Variants in KYAT3 observed in about 807,000 individuals in gnomAD.
KYAT3 encodes the protein kynurenine--oxoglutarate transaminase 3.
Under a neutral mutation model 59.0 loss-of-function variants are expected in KYAT3, and 50 were observed. The observed-to-expected ratio is 0.85, with a 90% CI of 0.68 to 1.07. The LOEUF is 1.07. Ranked by LOEUF, KYAT3 falls within the 50% of genes least tolerant of loss-of-function variation. The pLI is 0.00. For missense variants in KYAT3, 497 were observed against 533.3 expected (o/e 0.93, Z 0.67); for synonymous variants, 148 against 177.0 (o/e 0.84, Z 1.30).
Position 88,953,161 on chromosome 1 carries a change from G to T in KYAT3, c.865-9C>A. 1.9e-6 allele frequency: 3 copies of T among 1,588,476 alleles called. No individual in the cohort carries two copies. The highest frequency in any genetic ancestry group is 2.6e-6 in the Non-Finnish European group (3 of 1,157,850). ...CCAATGGACCAGCCAAGCTGGGAAAGGAAAAGATAAAAGATTTCAGAAAAT... is the reference window on the plus strand; with the variant it reads ...CCAATGGACCAGCCAAGCTGGGAAATGAAAAGATAAAAGATTTCAGAAAAT... On this transcript the variant is annotated splice_polypyrimidine_tract_variant and intron_variant, in intron 9 of 13. Transcript: ENST00000260508.
the KYAT3 span, among the ~76,000 whole-genome samples, chr1:88,925,493 G>A: frequency 1.3e-5 from 2 of 152,162 alleles, no homozygotes; most frequent in South Asian, 4.1e-4. Context: ...TGTGTCCTGA[G>A]GCATCTAGAC....
intron 13 of KYAT3, among the ~76,000 whole-genome samples, chr1:88,941,667 G>A (rs1215757903): frequency 6.6e-6 from 1 of 152,026 alleles, no homozygotes; most frequent in Non-Finnish European, 1.5e-5. Flanking sequence ...ATAAACTCCT[G>A]AATAGTGAGT....
At chr1:88,942,423 C>A (rs929737125) in intron 13 of KYAT3, among the ~76,000 whole-genome samples, 7 of 151,804 alleles carry the variant, frequency 4.6e-5, no homozygotes, top group Admixed American at 1.3e-4. Context: ...TTCTTTTTTT[C>A]TTTGCTACAG....
At chr1:88,948,844 A>T (rs1049894843) in intron 11 of KYAT3, among the ~76,000 whole-genome samples, 2 of 152,250 alleles carry the variant, frequency 1.3e-5, no homozygotes, top group East Asian at 1.9e-4. Flanking sequence ...AGAGAGTGAT[A>T]GCAAATCCTA....
intron 8 of KYAT3, among the ~76,000 whole-genome samples, chr1:88,960,258 C>T (rs954229023): frequency 2.0e-5 from 3 of 151,790 alleles, no homozygotes. Context: ...TTATCTATCT[C>T]TGCCACATTT....
intron 9 of KYAT3, among the ~76,000 whole-genome samples, chr1:88,953,902 C>CT (rs199642260): frequency 7.9e-6 from 1 of 127,172 alleles, no homozygotes; most frequent in Admixed American, 8.6e-5. Context: ...TCTTCTTCTT[C>CT]TTCTTTTTTT....
At chr1:88,937,795 G>A (rs35023423) in intron 13 of KYAT3, among the ~76,000 whole-genome samples, 70,195 of 151,926 alleles carry the variant, frequency 0.46, 16,368 homozygotes, top group Admixed American at 0.5. Flanking sequence ...CATAGCCTGA[G>A]TCTAAGCATG....
intron 11 of KYAT3, among the ~76,000 whole-genome samples, chr1:88,944,665 T>A (rs1259924809): frequency 6.6e-6 from 1 of 152,202 alleles, no homozygotes; most frequent in African/African-American, 2.4e-5. Context: ...AAACTTAGTC[T>A]AATTGTAAAT....
At chr1:88,983,483 C>A (rs188423617) in intron 2 of KYAT3, 7 of 1,614,160 alleles carry the variant, frequency 4.3e-6, no homozygotes, top group East Asian at 2.2e-5. Flanking sequence ...TCCTCCACTT[C>A]CTCCTCTTCC....
chr1:88,951,606 GTAACTAAA>G (rs1224001643), intron 10 of KYAT3, among the ~76,000 whole-genome samples: 1 of 151,194 alleles, frequency 6.6e-6, no homozygotes, highest in African/African-American at 2.4e-5. Context: ...TAGAATGATG[GTAACTAAA>G]TCCCTATTTC....
At chr1:88,992,457 C>T (rs758717203) in intron 1 of KYAT3, 128 bp downstream of exon 1, 1 of 152,840 alleles carries the variant, frequency 6.5e-6, no homozygotes, top group Non-Finnish European at 1.5e-5. Flanking sequence ...GCAGCCACCC[C>T]CGCAGGCGGC....
chr1:88,962,730 C>G (rs1351587754), intron 5 of KYAT3, among the ~76,000 whole-genome samples: 2 of 152,166 alleles, frequency 1.3e-5, no homozygotes, highest in South Asian at 2.1e-4. Context: ...AACTCCTAAC[C>G]TCAGGTGATC....
chr1:88,962,293 AG>A, intron 5 of KYAT3, 148 bp from the exon 6 acceptor site: 2 of 627,846 alleles, frequency 3.2e-6, no homozygotes, highest in East Asian at 5.7e-5. Flanking sequence ...CTAACATCTG[AG>A]GGGAAGAGAC....
chr1:88,988,234 T>C lies in KYAT3; in HGVS notation c.99+18A>G, dbSNP rs746086566. On this transcript the variant is annotated intron_variant, in intron 2 of 13. Coordinates refer to ENST00000260508, the MANE Select transcript of KYAT3 (RefSeq NM_001008661.3). ...CAGAATATGTACAATAATTTATCTG[T>C]AAGTAAGCAATACCTACAGCAGAAG... is the stretch of plus-strand genomic sequence containing the variant. 20 of 1,542,508 alleles carry C rather than the reference T, an allele frequency of 1.3e-5. No homozygotes were observed. The highest frequency in any genetic ancestry group is 1.7e-5 in the Non-Finnish European group (19 of 1,118,480).
chr1:88,969,884 C>A (rs1449981973), intron 2 of KYAT3, among the ~76,000 whole-genome samples: 4 of 152,114 alleles, frequency 2.6e-5, no homozygotes, highest in Non-Finnish European at 5.9e-5. Context: ...TCTCAAACTC[C>A]TGGCCTCAAG....
At chr1:88,987,697 T>C (rs747861446) in intron 2 of KYAT3, among the ~76,000 whole-genome samples, 9 of 152,240 alleles carry the variant, frequency 5.9e-5, no homozygotes, top group South Asian at 2.1e-4. Context: ...CCTTAGGTCA[T>C]TACATCCCTA....
chr1:88,929,474 G>A, the KYAT3 span, among the ~76,000 whole-genome samples: 15 of 152,224 alleles, frequency 9.9e-5, no homozygotes, highest in East Asian at 5.8e-4. Flanking sequence ...CGAACCCAAC[G>A]TCTCAACTCA....
At position 88,938,520 on chromosome 1, in the gene KYAT3, T is replaced by C. The variant is rs528378753; in HGVS notation, c.1303-2275A>G. ...AGCACCCAACAGTTATCTTTTCTGC[T>C]CTTCTCCCTCCTCCCACCCTCCACC... On this transcript the variant is annotated intron_variant, in intron 13 of 13. Transcript: ENST00000260508. 4.2e-3 allele frequency among the ~76,000 whole-genome samples: 644 copies of C among 152,312 alleles called. 6 individuals are homozygous for C. The highest frequency in any genetic ancestry group is 4.6e-3 in the Non-Finnish European group (310 of 68,032).
Position 88,955,162 on chromosome 1 carries a change from A to T in KYAT3, c.851T>A (p.Val284Glu). The change falls in exon 9 of 14, where the codon GTA becomes GAA. Residue 284 changes from valine (V) to glutamate (E), a missense_variant. Coordinates refer to ENST00000260508, the MANE Select transcript of KYAT3 (RefSeq NM_001008661.3). Reference sequence around the variant, plus strand: ...TACTCATCTTACCTTCCAGCCAGTTACACTGAAAGTCTTTCCAGCACTTCC... The same window carrying T: ...TACTCATCTTACCTTCCAGCCAGTTTCACTGAAAGTCTTTCCAGCACTTCC... ...TIGSAGKTFS[V>E]TGWKLGWSIG... The T allele has an allele frequency of 6.2e-7, 1 of 1,607,708 alleles. No individual in the cohort carries two copies. The highest frequency in any genetic ancestry group is 8.5e-7 in the Non-Finnish European group (1 of 1,174,344).
Sources: gnomAD v4.1 joint callset for allele counts (sites outside exome capture counted in the v4.1 genomes callset) on GRCh38, gnomAD v4.1.1 for gene constraint, MANE v1.5 for transcripts, NCBI Gene and HGNC (gene_info 2026-07-23, HGNC 2026-07-21) for gene names.